The following ATP2B3 variants were observed in gnomAD, a reference collection of about 807,000 sequenced individuals.
ATP2B3 encodes the protein plasma membrane calcium-transporting ATPase 3.
In ATP2B3, 12 loss-of-function variants were observed where a neutral mutation model predicts 70.8. The observed-to-expected ratio is 0.17, with a 90% CI of 0.11 to 0.27. The LOEUF (loss-of-function observed/expected upper bound fraction) is 0.27. ATP2B3 is among the 10% of genes least tolerant of loss of function. The probability of loss-of-function intolerance (pLI) is 1.00; values close to 1 mark genes in which losing one functional copy is unlikely to be tolerated. For synonymous variants in ATP2B3, 460 were observed against 497.8 expected, an observed-to-expected ratio of 0.92 and a Z score of 1.01; for missense variants, 858 against 1,118.5, an observed-to-expected ratio of 0.77 and a Z score of 3.32.
Position 153,556,097 on chromosome X carries a change from A to G in ATP2B3, c.2107A>G (p.Met703Val). ...KCQRAGITVR[M>V]VTGDNINTAR... ...CCAGCGTGCTGGCATCACAGTCCGC[A>G]TGGTGACTGGGGACAACATCAACAC... The change falls in exon 14 of 22, where the codon ATG becomes GTG. Residue 703 changes from methionine to valine, a missense_variant. Physicochemically the swap from Met to Val is conservative, Grantham distance 21 (BLOSUM62 1). Around this residue, in one of 5 missense-constraint regions of ATP2B3, gnomAD observed 242 missense variants for 281.3 expected, o/e 0.86. Coordinates refer to ENST00000263519, the MANE Select transcript of ATP2B3 (RefSeq NM_001001344.3). The G allele has an allele frequency of 8.2e-7, 1 of 1,212,560 alleles. No individual in the cohort carries two copies. The highest frequency in any genetic ancestry group is 1.1e-6 in the Non-Finnish European group (1 of 895,702).
At position 153,556,148 on chromosome X, in the gene ATP2B3, G is replaced by C. The variant is rs782081961; in HGVS notation, c.2158G>C (p.Gly720Arg). 4.1e-6 allele frequency: 5 copies of C among 1,212,292 alleles called. No homozygotes were observed. The highest frequency in any genetic ancestry group is 5.6e-6 in the Non-Finnish European group (5 of 895,584). Residue 720 changes from glycine to arginine, a missense_variant, in exon 14 of 22, where the codon GGC (glycine) becomes CGC (arginine). Physicochemically the swap from Gly to Arg is moderately radical, Grantham distance 125. Around this residue, in one of 5 missense-constraint regions of ATP2B3, gnomAD observed 242 missense variants for 281.3 expected, o/e 0.86. Transcript: ENST00000263519. The stretch of plus-strand genomic sequence containing the variant: ...GGCCCGGGCCATCGCAGCCAAATGC[G>C]GCATCATCCAGCCCGGGGAGGACTT... ...NTARAIAAKC[G>R]IIQPGEDFLC...
At position 153,581,743 on chromosome X, in the gene ATP2B3, C is replaced by A. The variant is rs2090924299; in HGVS notation, c.*1445C>A. ...GTCTGCTGTGACATCAGAGGTGCCA[C>A]CACCAAAGCACTCTTCCCACCCTAG... On this transcript the variant is annotated 3_prime_UTR_variant, in exon 22 of 22. Transcript: ENST00000263519. The A allele has an allele frequency of 8.9e-6, 1 of 112,737 alleles. No homozygotes were observed. Among genetic ancestry groups the A allele is most frequent in the Admixed American group, 9.3e-5 (1 of 10,744 alleles). 9.3% of individuals were successfully genotyped at this position (112,737 alleles called of 1,213,427 possible). A position where few individuals can be genotyped will look rare whatever the true frequency, so the allele number is the denominator to read the frequency against.
At chrX:153,555,305 C>G (rs1160609405) in intron 13 of ATP2B3, among the ~76,000 whole-genome samples, 1 of 111,111 alleles carries the variant, frequency 9.0e-6, no homozygotes, top group East Asian at 2.8e-4. Context: ...CTACCCCTGG[C>G]TCCCACTCCT....
intron 8 of ATP2B3, among the ~76,000 whole-genome samples, chrX:153,546,722 A>G (rs1205298911): frequency 8.8e-6 from 1 of 113,194 alleles, no homozygotes; most frequent in African/African-American, 3.2e-5. Context: ...ATGTCGGCCA[A>G]TGCAGCAGCC....
intron 21 of ATP2B3, 72 bp downstream of exon 21, chrX:153,565,175 C>T (rs1557017793): frequency 2.3e-5 from 25 of 1,087,668 alleles, no homozygotes; most frequent in Admixed American, 1.4e-4. Context: ...CAGCAGCAGC[C>T]GAGAGCCGGC....
At position 153,563,136 on chromosome X, in the gene ATP2B3, C is replaced by CT. The variant is rs36131654; in HGVS notation, c.3159+917dup. On this transcript the variant is annotated intron_variant, in intron 20 of 21. Coordinates refer to ENST00000263519, the MANE Select transcript of ATP2B3 (RefSeq NM_001001344.3). ...TCAGTCCATAGCATTCTGGCTTTTC[C>CT]TTTTTTTTTTTTTTTTTTTTTTTGA... Among the ~76,000 whole-genome samples the CT allele has an allele frequency of 2.5e-4, 12 of 48,807 alleles. 3 individuals carry two copies. The highest frequency in any genetic ancestry group is 5.1e-4 in the African/African-American group (6 of 11,709). 42.4% of individuals were successfully genotyped at this position (48,807 alleles called of 115,157 possible).
At chrX:153,555,685 C>A (rs1056452636) in intron 13 of ATP2B3, among the ~76,000 whole-genome samples, 1 of 112,396 alleles carries the variant, frequency 8.9e-6, no homozygotes, top group African/African-American at 3.2e-5. Flanking sequence ...GAACCTCTTT[C>A]TCTTTCTCCA....
At chrX:153,548,032 A>G in intron 9 of ATP2B3, 33 bp downstream of exon 9, 1 of 1,177,176 alleles carries the variant, frequency 8.5e-7, no homozygotes, top group Non-Finnish European at 1.1e-6. Flanking sequence ...GGCCCAGGCC[A>G]TTGACTGGGC....
chrX:153,555,012 C>T (rs782423720), intron 13 of ATP2B3, among the ~76,000 whole-genome samples: 1 of 112,399 alleles, frequency 8.9e-6, no homozygotes, highest in Admixed American at 9.3e-5. Context: ...TTTTCAGGGA[C>T]AGGCATTCGC....
chrX:153,543,575 G>A (rs1298457037), intron 7 of ATP2B3, among the ~76,000 whole-genome samples: 1 of 112,714 alleles, frequency 8.9e-6, no homozygotes, highest in African/African-American at 3.2e-5. Context: ...GAGGTCAGAG[G>A]AGGCTGGGAC....
rs2124514421 is a variant in ATP2B3, at chrX:153,565,040, C to G, written c.3279C>G (p.Ala1093=). ...AAGGCGAGGAAGAGATCGACCATGC[C>G]GAGCGGGAGCTCCGCAGGGGCCAGA... ...LAEGEEEIDH[A]ERELRRGQIL... Residue 1093 remains alanine, a synonymous_variant, in exon 21 of 22, where the codon GCC becomes GCG. Coordinates refer to ENST00000263519, the MANE Select transcript of ATP2B3 (RefSeq NM_001001344.3). The G allele has an allele frequency of 8.3e-7, 1 of 1,199,889 alleles. No homozygotes were observed. Among genetic ancestry groups the G allele is most frequent in the South Asian group, 1.8e-5 (1 of 55,023 alleles).
At chrX:153,550,624 T>C (rs1336194518) in intron 12 of ATP2B3, among the ~76,000 whole-genome samples, 1 of 112,118 alleles carries the variant, frequency 8.9e-6, no homozygotes, top group Non-Finnish European at 1.9e-5. Flanking sequence ...CTTTCCTTAG[T>C]GTAAAGTTTT....
chrX:153,525,950 G>A (rs925140845), intron 2 of ATP2B3, among the ~76,000 whole-genome samples: 2 of 113,290 alleles, frequency 1.8e-5, no homozygotes, highest in Non-Finnish European at 3.8e-5. Context: ...CCCTAGGGAG[G>A]CACTCGTGGC....
chrX:153,561,145 G>A (rs1226679174), intron 19 of ATP2B3, among the ~76,000 whole-genome samples: 3 of 112,266 alleles, frequency 2.7e-5, no homozygotes, highest in Non-Finnish European at 1.9e-5. Context: ...TCATCGGAAC[G>A]AAGTTTTCTC....
chrX:153,580,220 T>C lies in ATP2B3; in HGVS notation c.3585T>C (p.His1195=), dbSNP rs782675027. 5.5e-6 allele frequency: 6 copies of C among 1,090,795 alleles called. No individual in the cohort carries two copies. Among genetic ancestry groups the C allele is most frequent in the Non-Finnish European group, 7.3e-6 (6 of 822,979 alleles). The allele number at this position is 1,090,795 out of a possible 1,213,427, so 89.9% of individuals were successfully genotyped here. ...AIDSGIYLTT[H]VTKSATSSVF... is the part of the protein sequence containing the mutation. ...ACAGCGGCATCTACCTGACCACGCA[T>C]GTCACCAAGTCAGCTACCTCTTCAG... The change falls in exon 22 of 22, where the codon CAT becomes CAC. Residue 1195 remains histidine, a synonymous_variant. Coordinates refer to ENST00000263519, the MANE Select transcript of ATP2B3 (RefSeq NM_001001344.3).
intron 9 of ATP2B3, 120 bp downstream of exon 9, chrX:153,548,119 G>A (rs1569534429): frequency 1.0e-6 from 1 of 978,491 alleles, no homozygotes. Flanking sequence ...GGTGATGTGT[G>A]GGCCAGGCAG....
intron 2 of ATP2B3, among the ~76,000 whole-genome samples, chrX:153,524,607 T>G (rs1019296732): frequency 3.6e-5 from 4 of 111,889 alleles, no homozygotes; most frequent in Non-Finnish European, 7.5e-5. Context: ...GCTAACCAGT[T>G]GTCCCCATCT....
At chrX:153,567,002 G>A (rs145950558) in intron 21 of ATP2B3, among the ~76,000 whole-genome samples, 184 of 112,612 alleles carry the variant, frequency 1.6e-3, no homozygotes, top group African/African-American at 5.5e-3. Context: ...GCTGAGAACC[G>A]GGAGGCGAGG....
intron 2 of ATP2B3, among the ~76,000 whole-genome samples, chrX:153,522,108 G>A (rs1433268798): frequency 8.9e-6 from 1 of 112,586 alleles, no homozygotes; most frequent in Non-Finnish European, 1.9e-5. Flanking sequence ...GGTAGGGACA[G>A]AAAGTGCCAG....
Sources: gnomAD v4.1 joint callset for allele counts (sites outside exome capture counted in the v4.1 genomes callset) on GRCh38, gnomAD v4.1.1 for gene constraint, gnomAD v4.1.1 regional missense constraint, MANE v1.5 for transcripts, NCBI Gene and HGNC (gene_info 2026-07-23, HGNC 2026-07-21) for gene names.